Variants in KLF8 observed in about 807,000 individuals in gnomAD.
KLF8 encodes KLF transcription factor 8, also known as Krueppel-like factor 8.
In KLF8, 10 loss-of-function variants were observed where a neutral mutation model predicts 18.2. The ratio of observed to expected loss-of-function variants is 0.55; its 90% confidence interval spans 0.34 to 0.93. The LOEUF (loss-of-function observed/expected upper bound fraction) is 0.93, where lower values mean the gene tolerates loss of function less well. KLF8 is among the 40% of genes least tolerant of loss of function. The pLI, the probability that KLF8 is intolerant of heterozygous loss-of-function variation, is 0.02. For synonymous variants in KLF8, 109 were observed against 97.3 expected (o/e 1.12, Z -0.71); for missense variants, 264 against 277.9 (o/e 0.95, Z 0.36).
chrX:55,919,473 C>T, the KLF8 span, among the ~76,000 whole-genome samples: 4 of 111,650 alleles, frequency 3.6e-5, no homozygotes, highest in Non-Finnish European at 7.5e-5. Context: ...TGGTCTGGGG[C>T]GAGTTCTCAG....
chrX:56,234,180 A>G (rs886902189), intron 1 of KLF8, among the ~76,000 whole-genome samples: 4 of 111,990 alleles, frequency 3.6e-5, no homozygotes, highest in African/African-American at 9.8e-5. Context: ...GAAGAAACGC[A>G]TTTATTAAGC....
At chrX:56,077,805 T>G in the KLF8 span, among the ~76,000 whole-genome samples, 1 of 111,673 alleles carries the variant, frequency 9.0e-6, no homozygotes, top group Non-Finnish European at 1.9e-5. Flanking sequence ...GTTTGTATCC[T>G]CTTTTATTTC....
At chrX:56,207,032 C>T in the KLF8 span, among the ~76,000 whole-genome samples, 1 of 112,959 alleles carries the variant, frequency 8.9e-6, no homozygotes, top group Non-Finnish European at 1.9e-5. Context: ...ACATCCTGAG[C>T]TAGAGCTCAA....
At chrX:56,220,752 T>C in the KLF8 span, among the ~76,000 whole-genome samples, 1 of 112,684 alleles carries the variant, frequency 8.9e-6, no homozygotes, top group East Asian at 2.8e-4. Flanking sequence ...CCTCCCCAAG[T>C]GCTGGGATTA....
chrX:55,943,522 A>T, the KLF8 span, among the ~76,000 whole-genome samples: 2 of 111,621 alleles, frequency 1.8e-5, no homozygotes, highest in African/African-American at 3.2e-5. Flanking sequence ...GCTGAATTTT[A>T]ACTTCAGATT....
At chrX:56,001,956 T>C in the KLF8 span, among the ~76,000 whole-genome samples, 1 of 112,287 alleles carries the variant, frequency 8.9e-6, no homozygotes, top group Non-Finnish European at 1.9e-5. Context: ...TTTTAAAGAT[T>C]CCCAGTGTTT....
the KLF8 span, among the ~76,000 whole-genome samples, chrX:56,067,833 C>T: frequency 7.1e-5 from 8 of 112,217 alleles, no homozygotes; most frequent in African/African-American, 2.3e-4. Context: ...AAGCCTTGGG[C>T]CCTAGAAAAC....
At chrX:56,174,499 A>G in the KLF8 span, among the ~76,000 whole-genome samples, 1 of 112,015 alleles carries the variant, frequency 8.9e-6, no homozygotes, top group Non-Finnish European at 1.9e-5. Context: ...TAGGTTTGCC[A>G]GTATTTTATT....
the KLF8 span, among the ~76,000 whole-genome samples, chrX:55,937,668 G>C: frequency 8.9e-6 from 1 of 112,140 alleles, no homozygotes; most frequent in South Asian, 3.7e-4. Context: ...CCAATGCAGA[G>C]AAATACCTAA....
chrX:56,229,830 A>G (rs181748248), upstream of KLF8, among the ~76,000 whole-genome samples: 41 of 111,926 alleles, frequency 3.7e-4, no homozygotes, highest in African/African-American at 1.1e-3. Context: ...AACACCTAGC[A>G]TTGTTCTTGA....
chrX:55,951,657 G>T, the KLF8 span, among the ~76,000 whole-genome samples: 2 of 109,888 alleles, frequency 1.8e-5, no homozygotes, highest in African/African-American at 6.6e-5. Flanking sequence ...TCCAAGTCTT[G>T]GTGGCTAATT....
the KLF8 span, among the ~76,000 whole-genome samples, chrX:55,916,643 A>G: frequency 3.4e-4 from 38 of 111,536 alleles, no homozygotes; most frequent in Non-Finnish European, 6.2e-4. Flanking sequence ...GCTGATACCA[A>G]TGTGCCCAGG....
chrX:56,048,295 G>T, the KLF8 span, among the ~76,000 whole-genome samples: 3 of 111,679 alleles, frequency 2.7e-5, no homozygotes, highest in East Asian at 5.6e-4. Flanking sequence ...GTCAATTTTG[G>T]CTTTTGTTGC....
chrX:55,991,780 TATA>T, the KLF8 span, among the ~76,000 whole-genome samples: 1 of 112,768 alleles, frequency 8.9e-6, no homozygotes, highest in Non-Finnish European at 1.9e-5. Context: ...TTTTTGTCTT[TATA>T]ATAATTGTCA....
At chrX:56,153,622 A>G in the KLF8 span, among the ~76,000 whole-genome samples, 1 of 111,498 alleles carries the variant, frequency 9.0e-6, no homozygotes, top group African/African-American at 3.3e-5. Context: ...TTCAATTAGG[A>G]AAAGAGGAAG....
At chrX:55,942,388 G>C in the KLF8 span, among the ~76,000 whole-genome samples, 4 of 109,999 alleles carry the variant, frequency 3.6e-5, no homozygotes, top group Admixed American at 2.0e-4. Context: ...GTGGTGGGGT[G>C]GAATAGCATT....
chrX:56,253,839 C>A (rs1470039833), intron 2 of KLF8, among the ~76,000 whole-genome samples: 1 of 91,546 alleles, frequency 1.1e-5, no homozygotes, highest in Non-Finnish European at 2.0e-5. Flanking sequence ...TGGCTCATTG[C>A]AACCTTCACC....
the KLF8 span, among the ~76,000 whole-genome samples, chrX:56,147,521 G>A: frequency 8.9e-6 from 1 of 112,025 alleles, no homozygotes; most frequent in Admixed American, 9.5e-5. Flanking sequence ...AGCGACAAAA[G>A]GTCACGTATT....
chrX:55,914,871 G>A, the KLF8 span, among the ~76,000 whole-genome samples: 35 of 111,146 alleles, frequency 3.1e-4, no homozygotes, highest in African/African-American at 3.6e-4. Flanking sequence ...TTATAAGCAC[G>A]ATATGAGGAA....
Sources: gnomAD v4.1 joint callset for allele counts (sites outside exome capture counted in the v4.1 genomes callset) on GRCh38, gnomAD v4.1.1 for gene constraint, MANE v1.5 for transcripts, NCBI Gene and HGNC (gene_info 2026-07-23, HGNC 2026-07-21) for gene names.